Variants in BBX observed in about 807,000 individuals in gnomAD.
BBX encodes the protein BBX high mobility group box domain containing, also known as HMG box transcription factor BBX.
BBX carries 30 observed loss-of-function variants against 100.2 expected under a neutral mutation model. The observed-to-expected ratio is 0.30, with a 90% CI of 0.22 to 0.41. The LOEUF (loss-of-function observed/expected upper bound fraction) is 0.41, where lower values mean the gene tolerates loss of function less well. BBX is among the 10% of genes least tolerant of loss of function. The pLI, the probability that BBX is intolerant of heterozygous loss-of-function variation, is 1.00. For missense variants in BBX, 1,023 were observed against 1,129.8 expected (o/e 0.91, Z 1.35); for synonymous variants, 376 against 388.1 (o/e 0.97, Z 0.37).
chr3:107,682,671 C>G (rs1038826640), intron 3 of BBX, among the ~76,000 whole-genome samples: 1 of 152,126 alleles, frequency 6.6e-6, no homozygotes, highest in Non-Finnish European at 1.5e-5. Flanking sequence ...TGTTGAGAGT[C>G]TATTTTATTC....
rs35368803 is a variant in BBX at position 107,655,511 on chromosome 3, A to ATTT, written c.-10+9623_-10+9625dup. 5.6e-3 allele frequency among the ~76,000 whole-genome samples: 654 copies of ATTT among 117,564 alleles called. 10 individuals carry two copies. The highest frequency in any genetic ancestry group is 0.015 in the Middle Eastern group (3 of 200). 77.1% of individuals were successfully genotyped at this position (117,564 alleles called of 152,430 possible). Reference sequence around the variant, plus strand: ...ATGGGAACTTAAAGTATGATAATTAATTTTTTTTTTTTTTTTTTTTTTTAA... The same window carrying ATTT: ...ATGGGAACTTAAAGTATGATAATTAATTTTTTTTTTTTTTTTTTTTTTTTTTAA... On this transcript the variant is annotated intron_variant, in intron 3 of 17. Transcript: ENST00000325805.
chr3:107,757,019 G>A (rs1223540332), intron 10 of BBX, among the ~76,000 whole-genome samples: 2 of 152,036 alleles, frequency 1.3e-5, no homozygotes, highest in Non-Finnish European at 2.9e-5. Context: ...TTATTTGAAC[G>A]AAGTGATTAT....
chr3:107,801,126 T>C lies in BBX; in HGVS notation c.2583T>C (p.Ser861=), dbSNP rs866861107. 6.2e-7 allele frequency: 1 copy of C among 1,613,744 alleles called. No individual in the cohort carries two copies. The highest frequency in any genetic ancestry group is 1.7e-5 in the Admixed American group (1 of 59,976). ...AACCAAAGGAACAACTGCAGAGGAG[T>C]CTCCCTAAAGCAACTGAGACAGACT... ...DDKPKEQLQR[S]LPKATETDCN... Residue 861 remains serine, a synonymous_variant, in exon 17 of 18, where the codon AGT becomes AGC. Coordinates refer to ENST00000325805, the MANE Select transcript of BBX (RefSeq NM_001142568.3).
intron 2 of BBX, among the ~76,000 whole-genome samples, chr3:107,562,180 A>G (rs139229286): frequency 1.8e-4 from 28 of 152,310 alleles, no homozygotes; most frequent in African/African-American, 6.3e-4. Context: ...AGCTGTGTTT[A>G]TTTCAATGCG....
At chr3:107,743,293 A>G (rs535417392) in intron 7 of BBX, among the ~76,000 whole-genome samples, 4 of 152,262 alleles carry the variant, frequency 2.6e-5, no homozygotes, top group African/African-American at 9.6e-5. Context: ...ATAAAGATAT[A>G]TTTTGTTCTG....
intron 10 of BBX, among the ~76,000 whole-genome samples, chr3:107,756,252 C>T (rs774604901): frequency 6.6e-6 from 1 of 152,020 alleles, no homozygotes; most frequent in Non-Finnish European, 1.5e-5. Context: ...GGGAGGAAGA[C>T]GCCGGAAGCA....
At chr3:107,615,675 A>C (rs1576507092) in intron 2 of BBX, among the ~76,000 whole-genome samples, 1 of 152,320 alleles carries the variant, frequency 6.6e-6, no homozygotes, top group African/African-American at 2.4e-5. Context: ...TGAAACAGGG[A>C]AAGATCCAAG....
At chr3:107,708,905 A>G (rs1262507875) in intron 3 of BBX, among the ~76,000 whole-genome samples, 1 of 152,124 alleles carries the variant, frequency 6.6e-6, no homozygotes, top group African/African-American at 2.4e-5. Flanking sequence ...AAATTTTTTA[A>G]TGGCTGTTTA....
At chr3:107,574,348 G>T (rs1296309093) in intron 2 of BBX, among the ~76,000 whole-genome samples, 1 of 152,162 alleles carries the variant, frequency 6.6e-6, no homozygotes, top group African/African-American at 2.4e-5. Context: ...TTAACATTGT[G>T]TTATATTTGG....
rs1187445381 is a variant in BBX, at chr3:107,716,612, A to G, written c.168A>G (p.Gln56=). ...EDEEEDIDKV[Q]LLGADGLEQD... The stretch of plus-strand genomic sequence containing the variant: ...TTTGTTTTTGGTGGTAATAGGTTCA[A>G]CTTCTTGGGGCCGATGGCCTAGAGC... Residue 56 remains glutamine (Q), a synonymous_variant, in exon 5 of 18, where the codon CAA becomes CAG. Coordinates refer to ENST00000325805, the MANE Select transcript of BBX (RefSeq NM_001142568.3). The G allele has an allele frequency of 6.8e-6, 11 of 1,613,386 alleles. No individual in the cohort carries two copies. In the African/African-American group the frequency reaches 1.3e-4, roughly 20 times the overall value.
At chr3:107,713,918 T>G (rs917796941) in intron 4 of BBX, among the ~76,000 whole-genome samples, 44 of 151,814 alleles carry the variant, frequency 2.9e-4, no homozygotes, top group African/African-American at 8.7e-4. Flanking sequence ...TCTGATTTGT[T>G]TCTCCTTTTT....
At chr3:107,617,086 A>G (rs2055347049) in intron 2 of BBX, among the ~76,000 whole-genome samples, 1 of 152,158 alleles carries the variant, frequency 6.6e-6, no homozygotes, top group Admixed American at 6.5e-5. Flanking sequence ...ATCTCAGGTC[A>G]AAGTTCCTTT....
intron 2 of BBX, among the ~76,000 whole-genome samples, chr3:107,639,176 TTTTA>T (rs2057045356): frequency 1.3e-5 from 2 of 152,332 alleles, no homozygotes; most frequent in African/African-American, 4.8e-5. Context: ...GACTAAATTT[TTTTA>T]TTAAGAATGT....
chr3:107,800,799 G>A (rs2070366225), intron 16 of BBX, among the ~76,000 whole-genome samples: 1 of 152,158 alleles, frequency 6.6e-6, no homozygotes, highest in Admixed American at 6.5e-5. Context: ...TTTAGCTGAG[G>A]CTCATTTTTC....
intron 10 of BBX, among the ~76,000 whole-genome samples, chr3:107,767,050 C>T (rs2204260): frequency 0.84 from 127,146 of 152,160 alleles, 53,381 homozygotes; most frequent in East Asian, 1. Context: ...TGGGATCTGT[C>T]GCAGGATAGG....
chr3:107,612,872 G>C (rs1052402903), intron 2 of BBX, among the ~76,000 whole-genome samples: 5 of 152,194 alleles, frequency 3.3e-5, no homozygotes, highest in Non-Finnish European at 7.3e-5. Flanking sequence ...CAGAGATGCT[G>C]TCTGGGAACC....
chr3:107,670,862 G>A (rs895640454), intron 3 of BBX, among the ~76,000 whole-genome samples: 3 of 151,820 alleles, frequency 2.0e-5, no homozygotes, highest in Admixed American at 6.6e-5. Context: ...TCTCTACCTC[G>A]GCACTCCCTG....
At chr3:107,582,861 A>G (rs922392164) in intron 2 of BBX, among the ~76,000 whole-genome samples, 13 of 152,036 alleles carry the variant, frequency 8.6e-5, no homozygotes, top group Non-Finnish European at 1.6e-4. Flanking sequence ...TGATAACTCA[A>G]AATCATCTTT....
At chr3:107,726,684 C>G (rs1371223366) in intron 5 of BBX, among the ~76,000 whole-genome samples, 1 of 151,972 alleles carries the variant, frequency 6.6e-6, no homozygotes, top group Admixed American at 6.6e-5. Context: ...AGCATTTTTC[C>G]TGCCCGAGCC....
Sources: allele counts gnomAD v4.1 joint callset (sites outside exome capture counted in the v4.1 genomes callset), GRCh38; gene constraint gnomAD v4.1.1; transcripts MANE v1.5; gene names NCBI Gene and HGNC (gene_info 2026-07-23, HGNC 2026-07-21).